Variants in RALYL observed in about 807,000 individuals in gnomAD.
RALYL encodes RALY RNA binding protein like, also known as RNA-binding Raly-like protein.
RALYL carries 29 observed loss-of-function variants against 35.1 expected under a neutral mutation model. The observed-to-expected ratio is 0.83, with a 90% CI of 0.61 to 1.13. The LOEUF (loss-of-function observed/expected upper bound fraction) is 1.13. Ranked by LOEUF, RALYL falls within the 50% of genes most tolerant of loss-of-function variation. The pLI is 0.00. For missense variants in RALYL, 359 were observed against 360.4 expected (o/e 1.00, Z 0.03); for synonymous variants, 120 against 127.6 (o/e 0.94, Z 0.40).
intron 2 of RALYL, among the ~76,000 whole-genome samples, chr8:84,682,776 C>G (rs1425789961): frequency 1.3e-5 from 2 of 151,780 alleles, no homozygotes; most frequent in Non-Finnish European, 2.9e-5. Context: ...TTTTGTTGAT[C>G]TTTTCAAAAA....
At chr8:84,216,480 A>G (rs1233699796) in intron 1 of RALYL, among the ~76,000 whole-genome samples, 1 of 152,162 alleles carries the variant, frequency 6.6e-6, no homozygotes, top group Non-Finnish European at 1.5e-5. Flanking sequence ...TGGGCTATGT[A>G]TAGTTAGTAA....
At chr8:84,895,738 C>CCAACATG in intron 8 of RALYL, among the ~76,000 whole-genome samples, 1 of 152,228 alleles carries the variant, frequency 6.6e-6, no homozygotes, top group South Asian at 2.1e-4. Context: ...TCTCTAACTC[C>CCAACATG]TGACATCAGG....
At chr8:84,631,483 T>A (rs987676722) in intron 2 of RALYL, among the ~76,000 whole-genome samples, 3 of 152,036 alleles carry the variant, frequency 2.0e-5, no homozygotes, top group Non-Finnish European at 4.4e-5. Context: ...ATAAATTATA[T>A]GAAAATCTTT....
intron 2 of RALYL, among the ~76,000 whole-genome samples, chr8:84,762,431 G>C (rs1469185393): frequency 1.3e-5 from 2 of 152,064 alleles, no homozygotes; most frequent in Non-Finnish European, 2.9e-5. Context: ...CTTCCTTATA[G>C]AATTCTTAAG....
chr8:84,282,747 C>CGT lies in RALYL; in HGVS notation c.-24+98354_-24+98355dup, dbSNP rs5892909. 7.5e-3 allele frequency among the ~76,000 whole-genome samples: 1,115 copies of CGT among 148,770 alleles called. 13 individuals carry two copies. The highest frequency in any genetic ancestry group is 0.026 in the African/African-American group (1,049 of 40,348). On this transcript the variant is annotated intron_variant, in intron 1 of 8. Coordinates refer to ENST00000521268, the MANE Select transcript of RALYL (RefSeq NM_173848.7). ...ATATATGTATCTATATATGTGTATG[C>CGT]GTGTGTGTGTGTGTGTGTGTGTGTG...
chr8:84,450,486 C>T (rs2049344162), intron 1 of RALYL, among the ~76,000 whole-genome samples: 1 of 151,704 alleles, frequency 6.6e-6, no homozygotes. Flanking sequence ...TGCTAATTAC[C>T]TCTTTGAATG....
intron 1 of RALYL, among the ~76,000 whole-genome samples, chr8:84,189,616 A>C (rs1452601497): frequency 6.6e-6 from 1 of 151,366 alleles, no homozygotes; most frequent in Non-Finnish European, 1.5e-5. Flanking sequence ...TGGAGCTCAG[A>C]GCTCCATAGG....
intron 2 of RALYL, among the ~76,000 whole-genome samples, chr8:84,687,957 A>T (rs535585757): frequency 6.6e-5 from 10 of 152,238 alleles, no homozygotes; most frequent in African/African-American, 2.4e-4. Context: ...CAGAAATAAT[A>T]TGAGAAAGAT....
intron 1 of RALYL, among the ~76,000 whole-genome samples, chr8:84,413,888 G>A (rs1443653578): frequency 6.6e-6 from 1 of 152,020 alleles, no homozygotes; most frequent in Admixed American, 6.6e-5. Context: ...GATTTTGCTG[G>A]ATGATATAAT....
chr8:84,838,893 G>A (rs191759140), intron 4 of RALYL, among the ~76,000 whole-genome samples: 33 of 152,228 alleles, frequency 2.2e-4, no homozygotes, highest in Middle Eastern at 3.4e-3. Flanking sequence ...TGAGTGTGTC[G>A]TATTTTCTTC....
intron 4 of RALYL, among the ~76,000 whole-genome samples, 161 bp downstream of exon 4, chr8:84,804,963 C>T (rs766706125): frequency 2.6e-5 from 4 of 152,090 alleles, no homozygotes; most frequent in Non-Finnish European, 5.9e-5. Flanking sequence ...AACTAAAATG[C>T]TCCCTAGGTT....
At chr8:84,644,575 A>C (rs1827082444) in intron 2 of RALYL, among the ~76,000 whole-genome samples, 1 of 152,054 alleles carries the variant, frequency 6.6e-6, no homozygotes, top group Non-Finnish European at 1.5e-5. Flanking sequence ...ACAGCAGGGA[A>C]AGTGTAGCAA....
intron 1 of RALYL, among the ~76,000 whole-genome samples, chr8:84,270,295 T>G (rs1292737622): frequency 6.6e-6 from 1 of 152,198 alleles, no homozygotes; most frequent in Non-Finnish European, 1.5e-5. Flanking sequence ...AGGGACGTGG[T>G]GATGGTGGAA....
At chr8:84,826,578 A>G (rs1035685438) in intron 4 of RALYL, among the ~76,000 whole-genome samples, 2 of 152,130 alleles carry the variant, frequency 1.3e-5, no homozygotes, top group Non-Finnish European at 2.9e-5. Context: ...TTTGGGAATT[A>G]GCAGTTTATC....
intron 3 of RALYL, among the ~76,000 whole-genome samples, chr8:84,784,224 G>C (rs1050049844): frequency 1.3e-5 from 2 of 152,186 alleles, no homozygotes; most frequent in African/African-American, 4.8e-5. Context: ...TTTAGCAGCA[G>C]ACGGACCGTG....
At chr8:84,357,760 TATATATAA>T (rs1018585656) in intron 1 of RALYL, among the ~76,000 whole-genome samples, 1 of 147,290 alleles carries the variant, frequency 6.8e-6, no homozygotes, top group Non-Finnish European at 1.5e-5. Context: ...GCTTGTCGTA[TATATATAA>T]ATATATATAT....
intron 2 of RALYL, among the ~76,000 whole-genome samples, chr8:84,717,735 A>G (rs1294736732): frequency 1.3e-5 from 2 of 152,182 alleles, no homozygotes; most frequent in Non-Finnish European, 2.9e-5. Flanking sequence ...TACAATGGTA[A>G]TATTATTTCA....
At chr8:84,280,205 C>G (rs538058835) in intron 1 of RALYL, among the ~76,000 whole-genome samples, 2 of 152,202 alleles carry the variant, frequency 1.3e-5, no homozygotes, top group Non-Finnish European at 2.9e-5. Flanking sequence ...TATGAATATA[C>G]AGTGGTATAT....
At chr8:84,886,166 T>G (rs982975026) in intron 7 of RALYL, among the ~76,000 whole-genome samples, 8 of 152,136 alleles carry the variant, frequency 5.3e-5, no homozygotes, top group Non-Finnish European at 1.0e-4. Context: ...TCAATAAACT[T>G]TATCATTTGG....
Sources: gnomAD v4.1 joint callset for allele counts (sites outside exome capture counted in the v4.1 genomes callset) on GRCh38, gnomAD v4.1.1 for gene constraint, MANE v1.5 for transcripts, NCBI Gene and HGNC (gene_info 2026-07-23, HGNC 2026-07-21) for gene names.